The following CHRM3 variants were observed in gnomAD, a reference collection of about 807,000 sequenced individuals.
CHRM3 encodes the protein cholinergic receptor muscarinic 3, also known as muscarinic acetylcholine receptor M3.
CHRM3 carries 11 observed loss-of-function variants against 41.8 expected under a neutral mutation model. The observed-to-expected ratio is 0.26, with a 90% CI of 0.17 to 0.44. The LOEUF (loss-of-function observed/expected upper bound fraction) is 0.44. CHRM3 is among the 20% of genes least tolerant of loss of function. CHRM3 has a pLI of 1.00. For missense variants in CHRM3, 571 were observed against 745.4 expected (o/e 0.77, Z 2.72); for synonymous variants, 297 against 301.4 (o/e 0.99, Z 0.15).
intron 3 of CHRM3, among the ~76,000 whole-genome samples, chr1:239,574,173 G>A (rs1007634814): frequency 4.6e-5 from 7 of 152,238 alleles, no homozygotes; most frequent in African/African-American, 1.7e-4. Context: ...TCTCAGCTGA[G>A]CTGCCAAAAT....
At chr1:239,814,855 T>C (rs1300294091) in intron 5 of CHRM3, among the ~76,000 whole-genome samples, 1 of 152,204 alleles carries the variant, frequency 6.6e-6, no homozygotes, top group Admixed American at 6.5e-5. Flanking sequence ...CAGTCTCGGC[T>C]CACGGCAACC....
rs539793936 is a variant in CHRM3, at chr1:239,585,063, A to T, written c.-313+39314A>T. 4.3e-3 allele frequency among the ~76,000 whole-genome samples: 642 copies of T among 149,858 alleles called. 9 individuals carry two copies. The highest frequency in any genetic ancestry group is 7.1e-3 in the Middle Eastern group (2 of 280). On this transcript the variant is annotated intron_variant, in intron 3 of 6. Coordinates refer to ENST00000676153, the MANE Select transcript of CHRM3 (RefSeq NM_001375978.1). The stretch of plus-strand genomic sequence containing the variant: ...GTGAGCAACAATTAAATATATATAT[A>T]TATATATATATGTATACACACATAC...
intron 5 of CHRM3, among the ~76,000 whole-genome samples, chr1:239,768,384 C>T (rs893735714): frequency 5.3e-5 from 8 of 152,024 alleles, no homozygotes; most frequent in African/African-American, 1.5e-4. Flanking sequence ...GTTCATGTAC[C>T]TAATATATGC....
intron 5 of CHRM3, among the ~76,000 whole-genome samples, chr1:239,791,390 C>A (rs1006048489): frequency 6.6e-6 from 1 of 152,194 alleles, no homozygotes; most frequent in South Asian, 2.1e-4. Flanking sequence ...CAGGCGTGAA[C>A]CACCATGCCC....
intron 4 of CHRM3, among the ~76,000 whole-genome samples, chr1:239,635,859 G>C (rs1670405507): frequency 6.6e-6 from 1 of 152,120 alleles, no homozygotes; most frequent in African/African-American, 2.4e-5. Context: ...AATGAATATA[G>C]AGTCAGAAAA....
At chr1:239,494,293 G>T (rs562916765) in intron 2 of CHRM3, among the ~76,000 whole-genome samples, 27 of 152,096 alleles carry the variant, frequency 1.8e-4, no homozygotes, top group Admixed American at 8.5e-4. Context: ...CCGTCTGCTG[G>T]TTCCTGCCAA....
chr1:239,699,665 G>A (rs1478496616), intron 5 of CHRM3, among the ~76,000 whole-genome samples: 1 of 152,108 alleles, frequency 6.6e-6, no homozygotes, highest in Admixed American at 6.6e-5. Flanking sequence ...AAATTAGGAT[G>A]TATGTCTTCA....
Position 239,456,536 on chromosome 1 carries a change from C to T in CHRM3, c.-520-36173C>T, listed in dbSNP as rs190042839. Among the ~76,000 whole-genome samples, 5 of 152,176 alleles carry T rather than the reference C, an allele frequency of 3.3e-5. No individual in the cohort carries two copies. In the East Asian group the frequency reaches 5.8e-4, roughly 18 times the overall value. On this transcript the variant is annotated intron_variant, in intron 1 of 6. Transcript: ENST00000676153. ...GTGTACATCCACTCTACGATGTCGG[C>T]GTAATGACAGAATCATCTAAGGAGG...
At chr1:239,435,384 G>T (rs895031825) in intron 1 of CHRM3, among the ~76,000 whole-genome samples, 1 of 151,648 alleles carries the variant, frequency 6.6e-6, no homozygotes, top group Admixed American at 6.6e-5. Context: ...GGGAGGCAGA[G>T]GTTGCAGTGA....
intron 3 of CHRM3, among the ~76,000 whole-genome samples, chr1:239,617,795 G>A (rs368703016): frequency 2.6e-5 from 4 of 152,120 alleles, no homozygotes; most frequent in East Asian, 1.9e-4. Flanking sequence ...ACTGTACGTG[G>A]TGTAGAGTTC....
chr1:239,740,206 A>G (rs1222215257), intron 5 of CHRM3, among the ~76,000 whole-genome samples: 1 of 152,204 alleles, frequency 6.6e-6, no homozygotes, highest in African/African-American at 2.4e-5. Context: ...ACGGAATAGG[A>G]TATACTCTAG....
At chr1:239,451,125 G>A (rs937218691) in intron 1 of CHRM3, among the ~76,000 whole-genome samples, 3 of 152,158 alleles carry the variant, frequency 2.0e-5, no homozygotes, top group African/African-American at 7.2e-5. Flanking sequence ...TCAGGAAGCT[G>A]AGATGGGAGG....
At chr1:239,573,034 T>C (rs1373679042) in intron 3 of CHRM3, among the ~76,000 whole-genome samples, 2 of 152,212 alleles carry the variant, frequency 1.3e-5, no homozygotes, top group Admixed American at 1.3e-4. Context: ...TCTTGGGCAT[T>C]TGGAGGGTTT....
intron 6 of CHRM3, among the ~76,000 whole-genome samples, chr1:239,849,341 A>C (rs1428762104): frequency 6.6e-6 from 1 of 152,202 alleles, no homozygotes; most frequent in African/African-American, 2.4e-5. Flanking sequence ...AGATAAGACC[A>C]ACAGCCACAT....
At chr1:239,441,553 C>T (rs764656136) in intron 1 of CHRM3, among the ~76,000 whole-genome samples, 10 of 152,130 alleles carry the variant, frequency 6.6e-5, no homozygotes, top group Non-Finnish European at 8.8e-5. Flanking sequence ...TGTCTGCAAA[C>T]CAAGAGACTG....
intron 2 of CHRM3, among the ~76,000 whole-genome samples, chr1:239,532,075 C>G (rs1406656019): frequency 1.6e-5 from 2 of 121,686 alleles, no homozygotes; most frequent in South Asian, 2.8e-4. Context: ...TGCAGTAGCG[C>G]GATCTCGGCT....
At chr1:239,522,049 C>A (rs895532058) in intron 2 of CHRM3, among the ~76,000 whole-genome samples, 12 of 135,236 alleles carry the variant, frequency 8.9e-5, no homozygotes, top group African/African-American at 3.3e-4. Context: ...TCTTTTTTGC[C>A]ATAGTGCTCT....
chr1:239,469,574 G>A (rs936604549), intron 1 of CHRM3, among the ~76,000 whole-genome samples: 1 of 151,988 alleles, frequency 6.6e-6, no homozygotes, highest in African/African-American at 2.4e-5. Context: ...ATTTTTTAAT[G>A]AAGATGGAGT....
At chr1:239,554,840 C>T (rs1298441656) in intron 3 of CHRM3, among the ~76,000 whole-genome samples, 1 of 151,320 alleles carries the variant, frequency 6.6e-6, no homozygotes, top group Non-Finnish European at 1.5e-5. Flanking sequence ...AGCAATTCTC[C>T]TGCCTCAGCC....
Sources: allele counts gnomAD v4.1 joint callset (sites outside exome capture counted in the v4.1 genomes callset), GRCh38; gene constraint gnomAD v4.1.1; transcripts MANE v1.5; gene names NCBI Gene and HGNC (gene_info 2026-07-23, HGNC 2026-07-21).